The following RND3 variants were observed in gnomAD, a reference collection of about 807,000 sequenced individuals.
RND3 encodes the protein Rho family GTPase 3.
A neutral mutation model predicts 26.5 loss-of-function variants in RND3; 8 were observed. That is an observed-to-expected ratio of 0.30 (90% CI 0.18 to 0.54). The LOEUF (loss-of-function observed/expected upper bound fraction) is 0.54. RND3 is among the 20% of genes least tolerant of loss of function. The pLI is 0.94. For synonymous variants in RND3, 113 were observed against 113.0 expected (o/e 1.00, Z 0.00); for missense variants, 207 against 302.8 (o/e 0.68, Z 2.35).
Position 150,486,126 on chromosome 2 carries a change from G to A in RND3, c.238+568C>T, listed in dbSNP as rs1192690826. The stretch of plus-strand genomic sequence containing the variant: ...CGAAGAGGAGGTTCAGCTGCTGCCC[G>A]GCCCCTGCGCCACCAGCGCATTCCT... On this transcript the variant is annotated intron_variant, in intron 3 of 5. Transcript: ENST00000263895. The surrounding 1 kb of genome is among the most constrained non-coding windows in gnomAD (Gnocchi z 4.5). 6.6e-6 allele frequency among the ~76,000 whole-genome samples: 1 copy of A among 152,162 alleles called. No individual in the cohort carries two copies. Among genetic ancestry groups the A allele is most frequent in the East Asian group, 1.9e-4 (1 of 5,162 alleles).
chr2:150,474,372 C>A (rs528959436), intron 4 of RND3, among the ~76,000 whole-genome samples: 3 of 152,278 alleles, frequency 2.0e-5, no homozygotes, highest in South Asian at 2.1e-4. Flanking sequence ...TAGACAGATA[C>A]CTGATCATCA....
At chr2:150,485,537 C>A (rs942304294) in intron 3 of RND3, among the ~76,000 whole-genome samples, 5 of 152,334 alleles carry the variant, frequency 3.3e-5, no homozygotes, top group African/African-American at 1.2e-4. Context: ...TGGCTCGGTC[C>A]GCCAGCAACC....
intron 3 of RND3, among the ~76,000 whole-genome samples, chr2:150,475,933 T>C (rs1253056823): frequency 6.6e-6 from 1 of 152,224 alleles, no homozygotes; most frequent in Admixed American, 6.5e-5. Flanking sequence ...GTTTCTTCTA[T>C]TTCTTTAAGA....
chr2:150,477,526 C>T (rs566581753), intron 3 of RND3, among the ~76,000 whole-genome samples: 10 of 152,204 alleles, frequency 6.6e-5, no homozygotes, highest in Admixed American at 1.3e-4. Flanking sequence ...CTATGTTTCC[C>T]GTCCCCCACC....
Position 150,487,474 on chromosome 2 carries a change from A to AATATATATAT in RND3, c.-38-29_-38-20dup, listed in dbSNP as rs1209384148. On this transcript the variant is annotated intron_variant, in intron 1 of 5. Coordinates refer to ENST00000263895, the MANE Select transcript of RND3 (RefSeq NM_005168.5). The stretch of plus-strand genomic sequence containing the variant: ...ATTTTCTCTTAAGAAGAAAAAAAAA[A>AATATATATAT]ATATATATATATATATATATTTCTC... 100 of 200,768 alleles carry AATATATATAT rather than the reference A, an allele frequency of 5.0e-4. No individual in the cohort carries two copies. Among genetic ancestry groups the AATATATATAT allele is most frequent in the Admixed American group, 1.2e-3 (16 of 13,826 alleles). The allele number at this position is 200,768 out of a possible 1,614,324, so 12.4% of individuals were successfully genotyped here. A position where few individuals can be genotyped will look rare whatever the true frequency, so the allele number is the denominator to read the frequency against.
At position 150,470,038 on chromosome 2, in the gene RND3, T is replaced by C. The variant is rs1048883112; in HGVS notation, c.684A>G (p.Ala228=). 10 of 1,614,044 alleles carry C rather than the reference T, an allele frequency of 6.2e-6. No homozygotes were observed. The highest frequency in any genetic ancestry group is 8.5e-6 in the Non-Finnish European group (10 of 1,179,944). ...SHMPSRPELS[A]VATDLRKDKA... is the part of the protein sequence containing the mutation. Reference sequence around the variant, plus strand: ...TGTCCTTTCGTAAGTCCGTAGCAACTGCCGAGAGTTCTGGTCTGCTAGGCA... The same window carrying C: ...TGTCCTTTCGTAAGTCCGTAGCAACCGCCGAGAGTTCTGGTCTGCTAGGCA... The change falls in exon 6 of 6, where the codon GCA becomes GCG. Residue 228 remains alanine, a synonymous_variant. Coordinates refer to ENST00000263895, the MANE Select transcript of RND3 (RefSeq NM_005168.5).
At chr2:150,474,726 C>A in intron 4 of RND3, 149 bp downstream of exon 4, 2 of 474,616 alleles carry the variant, frequency 4.2e-6, no homozygotes, top group Admixed American at 3.8e-5. Flanking sequence ...GTGGAAACCC[C>A]ATTTTGGTGT....
rs1223564246 is a variant in RND3 at position 150,469,141 on chromosome 2, A to T, written c.*846T>A. ...CTCCTTGGATCATTCTATGACATCA[A>T]ACCAAGACACCTTTTATTTGACTTT... On this transcript the variant is annotated 3_prime_UTR_variant, in exon 6 of 6. Coordinates refer to ENST00000263895, the MANE Select transcript of RND3 (RefSeq NM_005168.5). 6.6e-6 allele frequency: 1 copy of T among 152,620 alleles called. No homozygotes were observed. The highest frequency in any genetic ancestry group is 2.4e-5 in the African/African-American group (1 of 41,450). 9.5% of individuals were successfully genotyped at this position (152,620 alleles called of 1,614,324 possible). A position where few individuals can be genotyped will look rare whatever the true frequency, so the allele number is the denominator to read the frequency against.
Position 150,470,465 on chromosome 2 carries a change from T to G in RND3, c.484-227A>C, listed in dbSNP as rs1309829898. Among the ~76,000 whole-genome samples the G allele has an allele frequency of 3.3e-5, 5 of 152,150 alleles. No homozygotes were observed. The South Asian group carries it at 8.3e-4, about 25-fold the overall frequency. On this transcript the variant is annotated intron_variant, in intron 5 of 5. Transcript: ENST00000263895. ...AGAGCCCATCCCTAAGATGCCCAAC[T>G]CTCATGGCTCATTAGAGGTGTTAGA...
intron 3 of RND3, among the ~76,000 whole-genome samples, chr2:150,475,318 C>T (rs1462354212): frequency 6.6e-6 from 1 of 152,128 alleles, no homozygotes; most frequent in Non-Finnish European, 1.5e-5. Context: ...CTGCCTCCAC[C>T]ACTAAAAAGG....
Position 150,487,474 on chromosome 2 carries a change from A to AAAAAAATATATATATATATATATATAT in RND3, c.-38-20_-38-19insATATATATATATATATATATATTTTTT. 1.5e-5 allele frequency: 3 copies of AAAAAAATATATATATATATATATATAT among 196,028 alleles called. No homozygotes were observed. The highest frequency in any genetic ancestry group is 2.5e-4 in the East Asian group (2 of 8,074). The allele number at this position is 196,028 out of a possible 1,614,324, so 12.1% of individuals were successfully genotyped here. Reference sequence around the variant, plus strand: ...ATTTTCTCTTAAGAAGAAAAAAAAAAATATATATATATATATATATTTCTC... The same window carrying AAAAAAATATATATATATATATATATAT: ...ATTTTCTCTTAAGAAGAAAAAAAAAAAAAAAATATATATATATATATATATATATATATATATATATATATATTTCTC... On this transcript the variant is annotated intron_variant, in intron 1 of 5. Transcript: ENST00000263895.
intron 3 of RND3, among the ~76,000 whole-genome samples, chr2:150,477,978 A>T (rs1205400492): frequency 6.6e-6 from 1 of 152,188 alleles, no homozygotes; most frequent in African/African-American, 2.4e-5. Flanking sequence ...TTTCTTAGTT[A>T]TAAGCATAAT....
intron 3 of RND3, among the ~76,000 whole-genome samples, chr2:150,480,651 G>A (rs907624737): frequency 7.9e-6 from 1 of 127,042 alleles, no homozygotes; most frequent in African/African-American, 2.6e-5. Context: ...AGCACTAAAT[G>A]CGGCTAAAAA....
chr2:150,471,565 G>T, intron 5 of RND3, 62 bp downstream of exon 5: 2 of 1,369,106 alleles, frequency 1.5e-6, no homozygotes, highest in Non-Finnish European at 2.0e-6. Flanking sequence ...TTTATTATGA[G>T]TGATAGTCCA....
In RND3 at chr2:150,486,965, C is replaced by G. The variant is rs1437016592; in HGVS notation, c.151-184G>C. ...AAACCCCTGTCCTACTCCCCACTCA[C>G]CCCACCCGGCTCTCACAGATCTGCT... On this transcript the variant is annotated intron_variant, in intron 2 of 5. Transcript: ENST00000263895. This position sits in a 1 kb window ranked among gnomAD's most constrained non-coding sequence, Gnocchi z 4.5. 11 of 629,002 alleles carry G rather than the reference C, an allele frequency of 1.7e-5. No homozygotes were observed. Among genetic ancestry groups the G allele is most frequent in the East Asian group, 1.4e-4 (5 of 36,464 alleles). 39.0% of individuals were successfully genotyped at this position (629,002 alleles called of 1,614,324 possible).
intron 3 of RND3, among the ~76,000 whole-genome samples, chr2:150,478,576 C>T (rs796252399): frequency 5.2e-4 from 37 of 71,588 alleles, no homozygotes; most frequent in Middle Eastern, 6.7e-3. Flanking sequence ...TGAAGCCAAA[C>T]GGCAAAAAAA....
chr2:150,473,805 C>T (rs1686122281), intron 4 of RND3, among the ~76,000 whole-genome samples: 1 of 152,062 alleles, frequency 6.6e-6, no homozygotes, highest in Admixed American at 6.6e-5. Context: ...ACACAAAATA[C>T]AAATAAATTC....
chr2:150,469,867 C>T lies in RND3; in HGVS notation c.*120G>A, dbSNP rs575506461. 50 of 1,142,306 alleles carry T rather than the reference C, an allele frequency of 4.4e-5. No individual in the cohort carries two copies. The highest frequency in any genetic ancestry group is 3.4e-4 in the Admixed American group (13 of 38,548). 70.8% of individuals were successfully genotyped at this position (1,142,306 alleles called of 1,614,324 possible). On this transcript the variant is annotated 3_prime_UTR_variant, in exon 6 of 6. Coordinates refer to ENST00000263895, the MANE Select transcript of RND3 (RefSeq NM_005168.5). ...CCAAAAAGATGAGTATCCTCTCAAA[C>T]GCCTCCTAAGCCTCTGGTATACATG...
chr2:150,483,231 T>C (rs1260934023), intron 3 of RND3, among the ~76,000 whole-genome samples: 2 of 152,088 alleles, frequency 1.3e-5, no homozygotes, highest in Non-Finnish European at 2.9e-5. Context: ...AGACCCCTTA[T>C]GAGAAGCTGT....
Sources: gnomAD v4.1 joint callset for allele counts (sites outside exome capture counted in the v4.1 genomes callset) on GRCh38, gnomAD v4.1.1 for gene constraint, Gnocchi (gnomAD v3.1) non-coding constraint, MANE v1.5 for transcripts, NCBI Gene and HGNC (gene_info 2026-07-23, HGNC 2026-07-21) for gene names.